The following BMP2K variants were observed in gnomAD, a reference collection of about 807,000 sequenced individuals.
The protein encoded by BMP2K is BMP2 inducible kinase, also known as BMP-2-inducible protein kinase.
BMP2K carries 74 observed loss-of-function variants against 116.0 expected under a neutral mutation model. The ratio of observed to expected loss-of-function variants is 0.64; its 90% CI spans 0.53 to 0.77. The LOEUF is 0.77. Ranked by LOEUF, BMP2K falls within the 30% of genes least tolerant of loss-of-function variation. The pLI, the probability that BMP2K is intolerant of heterozygous loss-of-function variation, is 0.00. For synonymous variants in BMP2K, 486 were observed against 502.5 expected, an observed-to-expected ratio of 0.97 and a Z score of 0.44; for missense variants, 1,365 against 1,403.6, an observed-to-expected ratio of 0.97 and a Z score of 0.44.
At chr4:78,788,770 G>C (rs950476927) in intron 1 of BMP2K, among the ~76,000 whole-genome samples, 1 of 151,408 alleles carries the variant, frequency 6.6e-6, no homozygotes, top group East Asian at 1.9e-4. Flanking sequence ...AAGTGCATTT[G>C]TAAGGGCTGT....
chr4:78,782,225 T>C (rs1474245853), intron 1 of BMP2K, among the ~76,000 whole-genome samples: 1 of 152,200 alleles, frequency 6.6e-6, no homozygotes, highest in African/African-American at 2.4e-5. Flanking sequence ...TGGACACTTG[T>C]AACTATTTGC....
chr4:78,818,806 T>C (rs923808231), intron 1 of BMP2K, among the ~76,000 whole-genome samples: 3 of 151,478 alleles, frequency 2.0e-5, no homozygotes, highest in South Asian at 2.1e-4. Context: ...TTTTTTTTTT[T>C]TTCTTCCTGA....
rs114907051 is a variant in BMP2K at position 78,795,802 on chromosome 4, A to G, written c.178+19081A>G. On this transcript the variant is annotated intron_variant, in intron 1 of 15. Coordinates refer to ENST00000502613, the MANE Select transcript of BMP2K (RefSeq NM_198892.2). ...CACATGAAAAAATACTCATCATCTCACTGGCCATCAGAGAAATGCAAATCA... is the reference window on the plus strand; with the variant it reads ...CACATGAAAAAATACTCATCATCTCGCTGGCCATCAGAGAAATGCAAATCA... 7.5e-3 allele frequency among the ~76,000 whole-genome samples: 1,141 copies of G among 152,302 alleles called. 16 individuals carry two copies. Among genetic ancestry groups the G allele is most frequent in the African/African-American group, 0.026 (1,097 of 41,544 alleles).
At chr4:78,792,706 A>G (rs993895638) in intron 1 of BMP2K, among the ~76,000 whole-genome samples, 2 of 152,112 alleles carry the variant, frequency 1.3e-5, no homozygotes, top group South Asian at 2.1e-4. Context: ...TGTATAACCT[A>G]TATTTTCCAA....
chr4:78,780,634 G>T (rs1727459179), intron 1 of BMP2K, among the ~76,000 whole-genome samples: 1 of 152,148 alleles, frequency 6.6e-6, no homozygotes, highest in Admixed American at 6.5e-5. Flanking sequence ...ATAGAAAAAA[G>T]GGAAGGATCG....
intron 1 of BMP2K, among the ~76,000 whole-genome samples, chr4:78,808,265 CTT>C (rs532312072): frequency 9.1e-5 from 10 of 109,348 alleles, no homozygotes; most frequent in Non-Finnish European, 9.6e-5. Context: ...ATCTTGCTTC[CTT>C]TTTTTTTTTT....
intron 1 of BMP2K, among the ~76,000 whole-genome samples, chr4:78,805,843 C>T (rs6850237): frequency 0.047 from 7,125 of 151,968 alleles, 582 homozygotes; most frequent in African/African-American, 0.16. Flanking sequence ...CGGTGGCGGG[C>T]GTTTGTAGTT....
In BMP2K at chr4:78,826,114, A is replaced by G. The variant is rs1729860422; in HGVS notation, c.256A>G (p.Met86Val). The change falls in exon 2 of 16, where the codon ATG (methionine) becomes GTG (valine). Residue 86 changes from methionine (M) to valine (V), a missense_variant. Physicochemically the swap from Met to Val is conservative, Grantham distance 21. Transcript: ENST00000502613. ...ATTGAAGCGAATGTATGTCAATAAC[A>G]TGCCAGACCTCAATGTTTGTAAAAG... The part of the protein sequence containing the change: ...CALKRMYVNN[M>V]PDLNVCKREI... The G allele has an allele frequency of 1.2e-6, 2 of 1,614,102 alleles. No individual in the cohort carries two copies. Among genetic ancestry groups the G allele is most frequent in the Non-Finnish European group, 1.7e-6 (2 of 1,179,916 alleles).
intron 1 of BMP2K, among the ~76,000 whole-genome samples, chr4:78,786,405 A>ATG (rs34288286): frequency 0.037 from 5,033 of 134,306 alleles, 118 homozygotes; most frequent in East Asian, 0.14. Flanking sequence ...AAGCCACCCA[A>ATG]TGTGTGTGTG....
intron 2 of BMP2K, among the ~76,000 whole-genome samples, chr4:78,829,872 T>C (rs10010709): frequency 0.089 from 13,055 of 146,056 alleles, 859 homozygotes; most frequent in East Asian, 0.22. Flanking sequence ...TCTTTTCTTT[T>C]GATGTCTTGC....
chr4:78,802,257 T>C (rs1307546985), intron 1 of BMP2K, among the ~76,000 whole-genome samples: 1 of 152,192 alleles, frequency 6.6e-6, no homozygotes. Context: ...GTGACCTTCT[T>C]ACTCTTATGT....
chr4:78,816,651 T>G (rs1426962675), intron 1 of BMP2K, among the ~76,000 whole-genome samples: 1 of 152,238 alleles, frequency 6.6e-6, no homozygotes, highest in African/African-American at 2.4e-5. Flanking sequence ...GTTCACTAAG[T>G]GCAAATTATG....
At chr4:78,798,724 G>A (rs1026918712) in intron 1 of BMP2K, among the ~76,000 whole-genome samples, 4 of 152,258 alleles carry the variant, frequency 2.6e-5, no homozygotes, top group South Asian at 2.1e-4. Context: ...AAACCTAAAT[G>A]TTTATAAAGA....
At chr4:78,876,076 TTAAAC>T (rs1274389959) in intron 13 of BMP2K, among the ~76,000 whole-genome samples, 1 of 152,212 alleles carries the variant, frequency 6.6e-6, no homozygotes, top group Non-Finnish European at 1.5e-5. Flanking sequence ...TAATACCTGT[TTAAAC>T]TAGGTTAAGG....
chr4:78,824,896 T>C (rs886574950), intron 1 of BMP2K, among the ~76,000 whole-genome samples: 1 of 152,164 alleles, frequency 6.6e-6, no homozygotes, highest in Admixed American at 6.5e-5. Flanking sequence ...AGATGCTTTC[T>C]CAGCTGCAGT....
At chr4:78,883,898 C>CA (rs1469191370) in intron 14 of BMP2K, among the ~76,000 whole-genome samples, 1 of 151,682 alleles carries the variant, frequency 6.6e-6, no homozygotes, top group East Asian at 1.9e-4. Flanking sequence ...CTTGTGTCTA[C>CA]AAAAAATTAA....
Position 78,870,767 on chromosome 4 carries a change from T to G in BMP2K, c.1232-16T>G. The G allele has an allele frequency of 1.9e-6, 3 of 1,606,868 alleles. No homozygotes were observed. Among genetic ancestry groups the G allele is most frequent in the Non-Finnish European group, 2.6e-6 (3 of 1,175,100 alleles). Reference sequence around the variant, plus strand: ...ATCATTAGTATGTTAATGTAAGTGTTTGGACCTGTCTTTAGGGGCACTAAG... The same window carrying G: ...ATCATTAGTATGTTAATGTAAGTGTGTGGACCTGTCTTTAGGGGCACTAAG... On this transcript the variant is annotated splice_polypyrimidine_tract_variant and intron_variant, in intron 10 of 15. Coordinates refer to ENST00000502613, the MANE Select transcript of BMP2K (RefSeq NM_198892.2).
chr4:78,895,191 A>C (rs1733638252), intron 15 of BMP2K, among the ~76,000 whole-genome samples: 2 of 152,260 alleles, frequency 1.3e-5, no homozygotes, highest in South Asian at 4.1e-4. Flanking sequence ...GCAGTGATAG[A>C]CTTGTTCAAC....
At position 78,872,704 on chromosome 4, in the gene BMP2K, T is replaced by C; in HGVS notation, c.1699T>C (p.Ser567Pro). The C allele has an allele frequency of 6.2e-7, 1 of 1,614,066 alleles. No homozygotes were observed. The highest frequency in any genetic ancestry group is 8.5e-7 in the Non-Finnish European group (1 of 1,179,998). The change falls in exon 13 of 16, where the codon TCC becomes CCC. Residue 567 changes from serine to proline, a missense_variant. This residue lies in a region of BMP2K where 762 missense variants were observed against 756.7 expected (regional missense o/e 1.01). Transcript: ENST00000502613. ...QQQASPEYLT[S>P]PQEFSPALVS... ...ACAGGCATCACCTGAATATCTTACC[T>C]CCCCTCAAGAGTTCTCACCAGCCTT...
Sources: allele counts gnomAD v4.1 joint callset (sites outside exome capture counted in the v4.1 genomes callset), GRCh38; gene constraint gnomAD v4.1.1; regional missense constraint gnomAD v4.1.1; transcripts MANE v1.5; gene names NCBI Gene and HGNC (gene_info 2026-07-23, HGNC 2026-07-21).